TRPC6: variants seen among roughly 807,000 people sequenced by gnomAD.
The protein encoded by TRPC6 is short transient receptor potential channel 6.
In TRPC6, 55 loss-of-function variants were observed where a neutral mutation model predicts 90.7. The ratio of observed to expected loss-of-function variants is 0.61; its 90% CI spans 0.49 to 0.76. The LOEUF (loss-of-function observed/expected upper bound fraction) is 0.76. TRPC6 is among the 30% of genes least tolerant of loss of function. The pLI, the probability that TRPC6 is intolerant of heterozygous loss-of-function variation, is 0.00. For synonymous variants in TRPC6, 393 were observed against 393.0 expected, an observed-to-expected ratio of 1.00 and a Z score of 0.00; for missense variants, 989 against 1,122.7, an observed-to-expected ratio of 0.88 and a Z score of 1.70.
chr11:101,476,286 G>A lies in TRPC6; in HGVS notation c.1744+15C>T, dbSNP rs1859416005. The A allele has an allele frequency of 6.2e-7, 1 of 1,604,228 alleles. No individual in the cohort carries two copies. The highest frequency in any genetic ancestry group is 8.5e-7 in the Non-Finnish European group (1 of 1,171,182). The stretch of plus-strand genomic sequence containing the variant: ...TTCTGCATTTTTATTTATATTGACT[G>A]TACTGTAAACTCACCCAAATTGTAG... On this transcript the variant is annotated intron_variant, in intron 6 of 12. Transcript: ENST00000344327.
intron 9 of TRPC6, among the ~76,000 whole-genome samples, chr11:101,470,324 A>T (rs1376832691): frequency 6.6e-6 from 1 of 152,210 alleles, no homozygotes; most frequent in East Asian, 1.9e-4. Flanking sequence ...TTCCTAATTA[A>T]AGATGGAAAT....
At chr11:101,558,616 CA>C (rs1235374321) in intron 1 of TRPC6, among the ~76,000 whole-genome samples, 10 of 151,896 alleles carry the variant, frequency 6.6e-5, no homozygotes, top group Admixed American at 5.9e-4. Context: ...GGAGTGCAAT[CA>C]CAGCTCACTG....
At chr11:101,498,866 A>C (rs1248227040) in intron 2 of TRPC6, among the ~76,000 whole-genome samples, 1 of 151,946 alleles carries the variant, frequency 6.6e-6, no homozygotes, top group African/African-American at 2.4e-5. Flanking sequence ...GTCCCCCTTT[A>C]AACAACAGAG....
At chr11:101,455,211 A>G (rs1029499067) in intron 10 of TRPC6, 110 bp from the exon 11 acceptor site, 3 of 836,042 alleles carry the variant, frequency 3.6e-6, no homozygotes, top group Non-Finnish European at 5.9e-6. Context: ...CAAATTATCT[A>G]TATGTATAGT....
chr11:101,520,277 A>G (rs1456616178), intron 1 of TRPC6, among the ~76,000 whole-genome samples: 7 of 152,042 alleles, frequency 4.6e-5, no homozygotes, highest in Non-Finnish European at 7.4e-5. Context: ...TGGCTATGTA[A>G]GAAGTTCCTG....
intron 1 of TRPC6, among the ~76,000 whole-genome samples, chr11:101,540,444 G>A (rs1317377121): frequency 2.0e-5 from 3 of 152,168 alleles, no homozygotes; most frequent in African/African-American, 7.2e-5. Flanking sequence ...TATTTTTAAA[G>A]TATTTTATCC....
intron 1 of TRPC6, among the ~76,000 whole-genome samples, chr11:101,572,261 T>A (rs574222697): frequency 1.4e-4 from 17 of 122,114 alleles, no homozygotes; most frequent in African/African-American, 4.8e-4. Context: ...CCAACAAACA[T>A]ATGAAAAAAA....
At position 101,515,202 on chromosome 11, in the gene TRPC6, C is replaced by G. The variant is rs1860489649; in HGVS notation, c.171-10404G>C. Among the ~76,000 whole-genome samples the G allele has an allele frequency of 2.6e-5, 4 of 152,184 alleles. No individual in the cohort carries two copies. In the South Asian group the frequency reaches 6.2e-4, roughly 24 times the overall value. ...TGCTGCTTAATAAAGGAGATAGAAA[C>G]TAAGAAATCATTAAATGGCTTCTCT... On this transcript the variant is annotated intron_variant, in intron 1 of 12. Coordinates refer to ENST00000344327, the MANE Select transcript of TRPC6 (RefSeq NM_004621.6).
intron 1 of TRPC6, among the ~76,000 whole-genome samples, chr11:101,582,070 G>A (rs533064580): frequency 1.1e-4 from 16 of 152,138 alleles, no homozygotes; most frequent in Non-Finnish European, 2.4e-4. Context: ...AGTTAAATGG[G>A]GGAATTACGT....
chr11:101,502,873 C>T (rs1314598262), intron 2 of TRPC6, among the ~76,000 whole-genome samples: 1 of 152,072 alleles, frequency 6.6e-6, no homozygotes, highest in Non-Finnish European at 1.5e-5. Flanking sequence ...TGGGGTGAAA[C>T]ATCAGTGACA....
intron 1 of TRPC6, among the ~76,000 whole-genome samples, chr11:101,526,395 A>G (rs550457220): frequency 6.6e-6 from 1 of 152,334 alleles, no homozygotes; most frequent in East Asian, 1.9e-4. Flanking sequence ...TTGAACTTAA[A>G]AAAATAAATT....
chr11:101,476,613 G>T, intron 5 of TRPC6, 79 bp from the exon 6 acceptor site: 2 of 1,316,558 alleles, frequency 1.5e-6, no homozygotes, highest in Non-Finnish European at 2.2e-6. Context: ...ATGTTTGAAA[G>T]GTCTCAGCCT....
intron 1 of TRPC6, among the ~76,000 whole-genome samples, chr11:101,561,492 T>TTGA (rs1282398719): frequency 6.6e-6 from 1 of 152,144 alleles, no homozygotes; most frequent in Non-Finnish European, 1.5e-5. Context: ...ATGGAAACTG[T>TTGA]TGAGAACATT....
chr11:101,583,431 G>C lies in TRPC6; in HGVS notation c.73C>G (p.Arg25Gly). 6.4e-7 allele frequency: 1 copy of C among 1,554,748 alleles called. No homozygotes were observed. Among genetic ancestry groups the C allele is most frequent in the East Asian group, 2.4e-5 (1 of 41,094 alleles). The change falls in exon 1 of 13, where the codon CGC (arginine) becomes GGC (glycine). Residue 25 changes from arginine (R) to glycine (G), a missense_variant. Physicochemically the swap from Arg to Gly is moderately radical, Grantham distance 125 (BLOSUM62 -2). This residue lies in a region of TRPC6 where 194 missense variants were observed against 136.5 expected (regional missense o/e 1.42). Coordinates refer to ENST00000344327, the MANE Select transcript of TRPC6 (RefSeq NM_004621.6). ...AGCAGATAGTCCTGGCTCTCGTTGC[G>C]CCGCGCAGCGGCTCCGGCAGCGCCC... is the stretch of plus-strand genomic sequence containing the variant. ...PRGAAGAAAR[R>G]NESQDYLLMD...
intron 1 of TRPC6, among the ~76,000 whole-genome samples, chr11:101,577,815 C>T (rs1862103709): frequency 6.6e-6 from 1 of 152,112 alleles, no homozygotes. Flanking sequence ...GCAGAGGGAA[C>T]TTTAACGGAA....
chr11:101,568,886 C>T (rs1861893629), intron 1 of TRPC6, among the ~76,000 whole-genome samples: 1 of 152,158 alleles, frequency 6.6e-6, no homozygotes, highest in Non-Finnish European at 1.5e-5. Context: ...AAAGAAACAA[C>T]CGATACAAGC....
intron 1 of TRPC6, among the ~76,000 whole-genome samples, chr11:101,505,455 A>G (rs1860238074): frequency 6.6e-6 from 1 of 152,184 alleles, no homozygotes; most frequent in Non-Finnish European, 1.5e-5. Context: ...AAGGATAAGT[A>G]GAAGTCAGGT....
chr11:101,545,683 TC>T (rs1368775729), intron 1 of TRPC6, among the ~76,000 whole-genome samples: 1 of 152,212 alleles, frequency 6.6e-6, no homozygotes, highest in East Asian at 1.9e-4. Context: ...TTAATACATT[TC>T]TTATAATTTA....
Position 101,453,643 on chromosome 11 carries a change from A to G in TRPC6, c.2644+7T>C. ...CAGGGGCTGATTTGCTTCTGCGTTCAACTCACCTTCGTTCACTTCATCACT... is the reference window on the plus strand; with the variant it reads ...CAGGGGCTGATTTGCTTCTGCGTTCGACTCACCTTCGTTCACTTCATCACT... On this transcript the variant is annotated splice_region_variant and intron_variant, in intron 12 of 12. Transcript: ENST00000344327. 1 of 1,613,824 alleles carries G rather than the reference A, an allele frequency of 6.2e-7. No homozygotes were observed.
Sources: allele counts gnomAD v4.1 joint callset (sites outside exome capture counted in the v4.1 genomes callset), GRCh38; gene constraint gnomAD v4.1.1; regional missense constraint gnomAD v4.1.1; transcripts MANE v1.5; gene names NCBI Gene and HGNC (gene_info 2026-07-23, HGNC 2026-07-21).